The following CSMD1 variants were observed in gnomAD, a reference collection of about 807,000 sequenced individuals.
CSMD1 encodes the protein CUB and sushi domain-containing protein 1.
In CSMD1, 213 loss-of-function variants were observed where a neutral mutation model predicts 417.5. That is an observed-to-expected ratio of 0.51 (90% CI 0.46 to 0.57). CSMD1 has a LOEUF of 0.57. CSMD1 is among the 20% of genes least tolerant of loss of function. The pLI is 0.00. For synonymous variants in CSMD1, 2,862 were observed against 1,736.8 expected, an observed-to-expected ratio of 1.65 and a Z score of -16.11; for missense variants, 6,923 against 4,529.7, an observed-to-expected ratio of 1.53 and a Z score of -15.17.
intron 59 of CSMD1, among the ~76,000 whole-genome samples, chr8:2,964,463 G>A (rs1196875305): frequency 6.6e-6 from 1 of 152,212 alleles, no homozygotes; most frequent in Non-Finnish European, 1.5e-5. Flanking sequence ...TGGGGGCAGG[G>A]GGAATGGGAG....
intron 25 of CSMD1, 125 bp from the exon 26 acceptor site, chr8:3,284,471 C>T (rs371933791): frequency 5.8e-6 from 4 of 686,288 alleles, no homozygotes; most frequent in Non-Finnish European, 1.0e-5. Flanking sequence ...TCGGTACTTA[C>T]TGTCTGACAA....
chr8:4,560,587 T>C (rs1485500582), intron 2 of CSMD1, among the ~76,000 whole-genome samples: 3 of 152,238 alleles, frequency 2.0e-5, no homozygotes, highest in African/African-American at 7.2e-5. Context: ...TGGAGCGGTA[T>C]GGCAGAGCCT....
At chr8:4,890,591 A>G (rs1363286601) in intron 1 of CSMD1, among the ~76,000 whole-genome samples, 1 of 148,978 alleles carries the variant, frequency 6.7e-6, no homozygotes, top group Non-Finnish European at 1.5e-5. Flanking sequence ...GACAGGTGAG[A>G]GCGTGACTCT....
chr8:3,417,104 T>C (rs752232278), intron 12 of CSMD1, among the ~76,000 whole-genome samples: 1 of 152,318 alleles, frequency 6.6e-6, no homozygotes, highest in African/African-American at 2.4e-5. Flanking sequence ...TTATTCTGGA[T>C]GGGGTAATAC....
At chr8:4,222,497 G>C (rs769677329) in intron 3 of CSMD1, among the ~76,000 whole-genome samples, 1 of 152,072 alleles carries the variant, frequency 6.6e-6, no homozygotes, top group East Asian at 1.9e-4. Flanking sequence ...CAATAATATA[G>C]TTGTTAATAT....
intron 4 of CSMD1, among the ~76,000 whole-genome samples, chr8:4,003,172 T>C (rs916905467): frequency 6.6e-6 from 1 of 152,056 alleles, no homozygotes; most frequent in Admixed American, 6.6e-5. Context: ...GGAGGGTGGA[T>C]CACGAGGTCA....
At chr8:4,925,641 G>A (rs1236266247) in intron 1 of CSMD1, among the ~76,000 whole-genome samples, 4 of 151,734 alleles carry the variant, frequency 2.6e-5, no homozygotes, top group Non-Finnish European at 4.4e-5. Flanking sequence ...CTGCCTCCCG[G>A]GTTCACGCCA....
intron 23 of CSMD1, among the ~76,000 whole-genome samples, chr8:3,311,198 ATTTAT>A (rs994665527): frequency 2.0e-5 from 3 of 152,146 alleles, no homozygotes; most frequent in Admixed American, 6.5e-5. Flanking sequence ...CACAAAGCCT[ATTTAT>A]TTTATAAGAA....
At chr8:3,682,755 C>A (rs560986811) in intron 7 of CSMD1, among the ~76,000 whole-genome samples, 1 of 152,090 alleles carries the variant, frequency 6.6e-6, no homozygotes, top group Non-Finnish European at 1.5e-5. Flanking sequence ...ATGTTTATTG[C>A]GGCACTATTC....
At chr8:4,516,345 G>A (rs1803121789) in intron 2 of CSMD1, among the ~76,000 whole-genome samples, 1 of 152,168 alleles carries the variant, frequency 6.6e-6, no homozygotes, top group South Asian at 2.1e-4. Flanking sequence ...ACAGATTTCT[G>A]TTCTTTAAGG....
intron 41 of CSMD1, among the ~76,000 whole-genome samples, chr8:3,131,934 T>C (rs545401693): frequency 6.6e-6 from 1 of 152,318 alleles, no homozygotes; most frequent in South Asian, 2.1e-4. Flanking sequence ...GAACTATTGG[T>C]GTAGAGAACT....
rs372398385 is a variant in CSMD1, at chr8:3,300,329, G to C, written c.3950+7366C>G. Among the ~76,000 whole-genome samples the C allele has an allele frequency of 7.5e-4, 114 of 151,894 alleles. 1 individual carries two copies. The South Asian group carries it at 0.023, about 30-fold the overall frequency. On this transcript the variant is annotated intron_variant, in intron 25 of 69. Transcript: ENST00000635120. ...ACCTTTTCAAGTGTAGTTTTCTTTG[G>C]TGTTTAAGATTACAGAAAACTACAT...
At chr8:4,329,227 T>C (rs528719048) in intron 3 of CSMD1, among the ~76,000 whole-genome samples, 1 of 152,302 alleles carries the variant, frequency 6.6e-6, no homozygotes, top group East Asian at 1.9e-4. Flanking sequence ...TTGGACCTTA[T>C]CAGTGTTGAC....
chr8:3,744,048 T>C (rs1052969418), intron 6 of CSMD1, among the ~76,000 whole-genome samples: 5 of 152,142 alleles, frequency 3.3e-5, no homozygotes, highest in South Asian at 2.1e-4. Flanking sequence ...TGTGGAGCCC[T>C]CACAATCCTC....
intron 3 of CSMD1, among the ~76,000 whole-genome samples, chr8:4,078,241 C>G (rs1205562723): frequency 6.6e-6 from 1 of 151,504 alleles, no homozygotes; most frequent in Non-Finnish European, 1.5e-5. Flanking sequence ...CACATATAAA[C>G]GTATTACGTA....
chr8:3,201,255 C>T (rs769786539), intron 32 of CSMD1, among the ~76,000 whole-genome samples: 98 of 151,982 alleles, frequency 6.4e-4, no homozygotes, highest in Non-Finnish European at 1.1e-3. Context: ...TGCTTTAGAC[C>T]GAAATGTTAA....
chr8:4,584,357 G>C (rs962623335), intron 2 of CSMD1, among the ~76,000 whole-genome samples: 2 of 152,040 alleles, frequency 1.3e-5, no homozygotes, highest in African/African-American at 4.8e-5. Flanking sequence ...CAAGCAGTGA[G>C]TAGCATCAGA....
At chr8:3,963,038 G>A (rs1385849714) in intron 5 of CSMD1, among the ~76,000 whole-genome samples, 2 of 152,120 alleles carry the variant, frequency 1.3e-5, no homozygotes, top group African/African-American at 4.8e-5. Context: ...CGAGGTTCAA[G>A]CAATTCTCCT....
chr8:3,925,125 G>A lies in CSMD1; in HGVS notation c.818+72778C>T, dbSNP rs183652034. Among the ~76,000 whole-genome samples, 11 of 152,266 alleles carry A rather than the reference G, an allele frequency of 7.2e-5. No individual in the cohort carries two copies. The South Asian group carries it at 2.1e-3, about 29-fold the overall frequency. On this transcript the variant is annotated intron_variant, in intron 5 of 69. Transcript: ENST00000635120. ...TTACCAGTCAGTAAAGAGAGCCTGA[G>A]GCAGAGCCACCCAGCTAATCCACTT... is the stretch of plus-strand genomic sequence containing the variant.
Sources: gnomAD v4.1 joint callset for allele counts (sites outside exome capture counted in the v4.1 genomes callset) on GRCh38, gnomAD v4.1.1 for gene constraint, MANE v1.5 for transcripts, NCBI Gene and HGNC (gene_info 2026-07-23, HGNC 2026-07-21) for gene names.